The following SMAD2 variants were observed in gnomAD, a reference collection of about 807,000 sequenced individuals.
SMAD2 encodes the protein SMAD family member 2.
A neutral mutation model predicts 64.4 loss-of-function variants in SMAD2; 8 were observed. The observed-to-expected ratio is 0.12, with a 90% CI of 0.07 to 0.22. SMAD2 has a LOEUF of 0.22. SMAD2 is among the 10% of genes least tolerant of loss of function. The probability of loss-of-function intolerance (pLI) is 1.00; values close to 1 mark genes in which losing one functional copy is unlikely to be tolerated. For synonymous variants in SMAD2, 203 were observed against 195.8 expected (o/e 1.04, Z -0.31); for missense variants, 289 against 561.2 (o/e 0.51, Z 4.90).
intron 2 of SMAD2, chr18:47,895,174 C>T (rs183150274): frequency 1.3e-5 from 2 of 152,330 alleles, no homozygotes; most frequent in Admixed American, 1.3e-4. Flanking sequence ...CAAACTCTCA[C>T]CACACTCTAG....
intron 1 of SMAD2, among the ~76,000 whole-genome samples, chr18:47,910,590 T>G (rs1360962567): frequency 6.6e-6 from 1 of 152,218 alleles, no homozygotes; most frequent in South Asian, 2.1e-4. Flanking sequence ...ACTCCCAGTC[T>G]GCCTCTTCTA....
At chr18:47,927,853 C>A (rs1329608727) in intron 1 of SMAD2, among the ~76,000 whole-genome samples, 1 of 152,162 alleles carries the variant, frequency 6.6e-6, no homozygotes, top group Non-Finnish European at 1.5e-5. Flanking sequence ...GAGCCGAGAT[C>A]GTGCCATTGC....
chr18:47,903,881 G>T (rs572648412), intron 1 of SMAD2, among the ~76,000 whole-genome samples: 4 of 142,614 alleles, frequency 2.8e-5, no homozygotes, highest in South Asian at 2.5e-4. Flanking sequence ...CAGTGTGGGG[G>T]GGGGGGGGAC....
At chr18:47,885,132 TAC>T (rs57342899) in intron 2 of SMAD2, among the ~76,000 whole-genome samples, 20,896 of 141,996 alleles carry the variant, frequency 0.15, 1,915 homozygotes, top group Middle Eastern at 0.26. Context: ...TTTAGTCATA[TAC>T]ACACACACAC....
At chr18:47,851,802 A>T (rs533447927) in intron 6 of SMAD2, among the ~76,000 whole-genome samples, 2 of 152,172 alleles carry the variant, frequency 1.3e-5, no homozygotes, top group African/African-American at 4.8e-5. Context: ...TATTCAAGCT[A>T]TTTTCAATCT....
At chr18:47,893,231 G>C (rs113726413) in intron 2 of SMAD2, among the ~76,000 whole-genome samples, 4,228 of 152,250 alleles carry the variant, frequency 0.028, 73 homozygotes, top group Non-Finnish European at 0.045. Context: ...CGACAGTGAC[G>C]TATCTATAAC....
chr18:47,894,547 T>C (rs1210050497), intron 2 of SMAD2, among the ~76,000 whole-genome samples: 6 of 152,034 alleles, frequency 3.9e-5, no homozygotes, highest in Admixed American at 2.0e-4. Flanking sequence ...CACCTCCCAA[T>C]CTCCACACCA....
chr18:47,856,579 T>C (rs899331176), intron 6 of SMAD2, among the ~76,000 whole-genome samples: 3 of 152,190 alleles, frequency 2.0e-5, no homozygotes, highest in African/African-American at 4.8e-5. Flanking sequence ...TCACTAGTCA[T>C]ATTCTAAGCC....
chr18:47,914,861 T>C (rs1329437328), intron 1 of SMAD2, among the ~76,000 whole-genome samples: 1 of 152,178 alleles, frequency 6.6e-6, no homozygotes, highest in African/African-American at 2.4e-5. Flanking sequence ...CTATAGGATT[T>C]TGATTGGAAG....
At chr18:47,883,864 T>C (rs1015113236) in intron 2 of SMAD2, among the ~76,000 whole-genome samples, 3 of 152,226 alleles carry the variant, frequency 2.0e-5, no homozygotes, top group Non-Finnish European at 2.9e-5. Context: ...TCCAACTCCA[T>C]TTCTGATACT....
chr18:47,910,274 G>C (rs1338039096), intron 1 of SMAD2, among the ~76,000 whole-genome samples: 2 of 151,932 alleles, frequency 1.3e-5, no homozygotes, highest in East Asian at 3.9e-4. Flanking sequence ...ATTAACAGAA[G>C]ACGACGTAAC....
At chr18:47,855,127 A>G (rs192767302) in intron 6 of SMAD2, among the ~76,000 whole-genome samples, 223 of 152,328 alleles carry the variant, frequency 1.5e-3, no homozygotes, top group African/African-American at 5.3e-3. Flanking sequence ...GTTTTTGGAA[A>G]CTGACTTAAG....
At chr18:47,850,337 TGTTATATATATTATACATAA>T (rs1915116391) in intron 7 of SMAD2, among the ~76,000 whole-genome samples, 6 of 53,324 alleles carry the variant, frequency 1.1e-4, no homozygotes, top group Non-Finnish European at 1.8e-4. Flanking sequence ...GTATAATATA[TGTTATATATATTATACATAA>T]TATGTATAAT....
intron 7 of SMAD2, among the ~76,000 whole-genome samples, chr18:47,850,436 TATGTATA>T (rs1915196835): frequency 9.0e-5 from 2 of 22,112 alleles, no homozygotes; most frequent in Non-Finnish European, 1.4e-4. Context: ...TTATATATAT[TATGTATA>T]ATATATATTA....
rs760465876 is a variant in SMAD2 at position 47,896,782 on chromosome 18, G to A, written c.-26C>T. The A allele has an allele frequency of 8.7e-6, 14 of 1,609,088 alleles. No individual in the cohort carries two copies. The East Asian group carries it at 8.9e-5, about 10-fold the overall frequency. On this transcript the variant is annotated 5_prime_UTR_variant, in exon 2 of 11. Coordinates refer to ENST00000262160, the MANE Select transcript of SMAD2 (RefSeq NM_005901.6). ...GTTCTTACCAAAGGCAGCAAGCCACGCTAGGAAAACAGCCTCTTGTATCGA... is the reference window on the plus strand; with the variant it reads ...GTTCTTACCAAAGGCAGCAAGCCACACTAGGAAAACAGCCTCTTGTATCGA...
At chr18:47,902,788 A>G (rs1476975184) in intron 1 of SMAD2, among the ~76,000 whole-genome samples, 1 of 152,206 alleles carries the variant, frequency 6.6e-6, no homozygotes, top group Non-Finnish European at 1.5e-5. Context: ...GAAGAACTAA[A>G]TTCCAAGTGT....
At chr18:47,868,890 G>T (rs1337779321) in intron 4 of SMAD2, among the ~76,000 whole-genome samples, 1 of 152,134 alleles carries the variant, frequency 6.6e-6, no homozygotes, top group East Asian at 1.9e-4. Context: ...ACATACAAAT[G>T]ATGTCATTAA....
chr18:47,860,811 T>C (rs1022551268), intron 6 of SMAD2, among the ~76,000 whole-genome samples: 1 of 151,804 alleles, frequency 6.6e-6, no homozygotes, highest in African/African-American at 2.4e-5. Context: ...AGAAAAAAAA[T>C]TTGACAAAAT....
Position 47,828,875 on chromosome 18 carries a change from G to T in SMAD2, c.*12952C>A, listed in dbSNP as rs1320718970. 7.4e-6 allele frequency: 1 copy of T among 134,844 alleles called. No homozygotes were observed. Among genetic ancestry groups the T allele is most frequent in the African/African-American group, 2.9e-5 (1 of 34,508 alleles). The allele number at this position is 134,844 out of a possible 1,614,324, so 8.4% of individuals were successfully genotyped here. On this transcript the variant is annotated 3_prime_UTR_variant, in exon 11 of 11. Coordinates refer to ENST00000262160, the MANE Select transcript of SMAD2 (RefSeq NM_005901.6). ...ATCTGCTGACCTTCCCTCCACTATT[G>T]TCCTATGACCCTGCCACATCCCCCT...
Sources: allele counts gnomAD v4.1 joint callset (sites outside exome capture counted in the v4.1 genomes callset), GRCh38; gene constraint gnomAD v4.1.1; transcripts MANE v1.5; gene names NCBI Gene and HGNC (gene_info 2026-07-23, HGNC 2026-07-21).